Variants in HEXD observed in about 807,000 individuals in gnomAD.
HEXD encodes the protein hexosaminidase D.
HEXD carries 47 observed loss-of-function variants against 54.2 expected under a neutral mutation model. That is an observed-to-expected ratio of 0.87 (90% CI 0.69 to 1.11). The LOEUF (loss-of-function observed/expected upper bound fraction) is 1.11, where lower values mean the gene tolerates loss of function less well. Ranked by LOEUF, HEXD falls within the 50% of genes least tolerant of loss-of-function variation. The pLI, the probability that HEXD is intolerant of heterozygous loss-of-function variation, is 0.00. For synonymous variants in HEXD, 293 were observed against 287.6 expected (o/e 1.02, Z -0.19); for missense variants, 576 against 649.2 (o/e 0.89, Z 1.23).
In HEXD at chr17:82,418,365, G is replaced by A. The variant is rs1233502011; in HGVS notation, c.-427G>A. Reference sequence around the variant, plus strand: ...CAGCCCCAGTCCCGCCCACTCCATGGCCCTGTCCGCCGCCGCAGCGCGCGC... The same window carrying A: ...CAGCCCCAGTCCCGCCCACTCCATGACCCTGTCCGCCGCCGCAGCGCGCGC... On this transcript the variant is annotated 5_prime_UTR_variant, in exon 1 of 13. Coordinates refer to ENST00000327949, the MANE Select transcript of HEXD (RefSeq NM_001330542.2). 8.5e-7 allele frequency: 1 copy of A among 1,175,828 alleles called. No homozygotes were observed. The highest frequency in any genetic ancestry group is 2.6e-5 in the Admixed American group (1 of 37,826). 72.8% of individuals were successfully genotyped at this position (1,175,828 alleles called of 1,614,324 possible).
rs776543703 is a variant in HEXD, at chr17:82,436,679, C to T, written c.644C>T (p.Pro215Leu). 123 of 1,611,076 alleles carry T rather than the reference C, an allele frequency of 7.6e-5. No homozygotes were observed. The highest frequency in any genetic ancestry group is 9.9e-5 in the Non-Finnish European group (117 of 1,179,422). ...GCTCTGTCTGCAGCGTCCGGGGTGC[C>T]GCAGCTGGTGGAGCCGGTGCTCTGG... ...PEDQLAASGV[P>L]QLVEPVLWDY... The change falls in exon 7 of 13, where the codon CCG becomes CTG. Residue 215 changes from proline (P) to leucine (L), a missense_variant. By Grantham distance (98) the Pro-to-Leu change is moderately conservative (BLOSUM62 -3). Coordinates refer to ENST00000327949, the MANE Select transcript of HEXD (RefSeq NM_001330542.2).
At position 82,418,458 on chromosome 17, in the gene HEXD, T is replaced by G; in HGVS notation, c.-334T>G. ...GCCGCTCCGTTGCCCTCGGGCGCCT[T>G]GGTTGCGGCCCTCCGCTGAGGAGCC... is the stretch of plus-strand genomic sequence containing the variant. On this transcript the variant is annotated 5_prime_UTR_variant, in exon 1 of 13. Transcript: ENST00000327949. The G allele has an allele frequency of 6.8e-7, 1 of 1,475,058 alleles. No homozygotes were observed. Among genetic ancestry groups the G allele is most frequent in the Non-Finnish European group, 8.9e-7 (1 of 1,118,868 alleles). 91.4% of individuals were successfully genotyped at this position (1,475,058 alleles called of 1,614,324 possible).
intron 12 of HEXD, 88 bp downstream of exon 12, chr17:82,441,977 G>C (rs1028624847): frequency 7.1e-7 from 1 of 1,418,396 alleles, no homozygotes; most frequent in Admixed American, 1.7e-5. Context: ...CTAGAGAGCA[G>C]AGGGTGAGCC....
At chr17:82,420,146 T>C in intron 2 of HEXD, 1 of 306,360 alleles carries the variant, frequency 3.3e-6, no homozygotes, top group Non-Finnish European at 6.0e-6. Context: ...TTGAAGTGTA[T>C]CTTTCCAAAA....
At position 82,437,240 on chromosome 17, in the gene HEXD, C is replaced by T. The variant is rs559736837; in HGVS notation, c.776C>T (p.Thr259Met). Residue 259 changes from threonine (T) to methionine (M), a missense_variant, in exon 8 of 13, where the codon ACG becomes ATG. Physicochemically the swap from Thr to Met is moderately conservative, Grantham distance 81. Transcript: ENST00000327949. ...GCAGCCAGTGCCTTCAAGGGTGCCACGGGGCCCAGCCAGGCCGTGCCCCCT... is the reference window on the plus strand; with the variant it reads ...GCAGCCAGTGCCTTCAAGGGTGCCATGGGGCCCAGCCAGGCCGTGCCCCCT... ...LWAASAFKGATGPSQAVPPVE... is the reference protein window; with the variant it reads ...LWAASAFKGAMGPSQAVPPVE... The T allele has an allele frequency of 6.4e-5, 103 of 1,611,146 alleles. No homozygotes were observed. The South Asian group carries it at 8.0e-4, about 13-fold the overall frequency.
At chr17:82,425,228 A>T (rs2053376207) in intron 3 of HEXD, among the ~76,000 whole-genome samples, 1 of 147,394 alleles carries the variant, frequency 6.8e-6, no homozygotes, top group South Asian at 2.2e-4. Flanking sequence ...GGGCTAGAGA[A>T]GGCCGGAGGA....
chr17:82,433,856 C>T, intron 5 of HEXD, 34 bp downstream of exon 5: 2 of 1,564,794 alleles, frequency 1.3e-6, no homozygotes, highest in East Asian at 2.4e-5. Flanking sequence ...GTGCAGGACA[C>T]TCTCCCCTAT....
intron 4 of HEXD, among the ~76,000 whole-genome samples, chr17:82,431,347 G>A (rs2053570750): frequency 6.6e-6 from 1 of 151,830 alleles, no homozygotes; most frequent in African/African-American, 2.4e-5. Flanking sequence ...TTTTTGTGAA[G>A]AGTGGGGTCT....
chr17:82,421,915 G>T (rs1567881416), intron 2 of HEXD, among the ~76,000 whole-genome samples: 1 of 151,946 alleles, frequency 6.6e-6, no homozygotes. Flanking sequence ...GGTGGCTCAC[G>T]CCTGTAATCC....
At chr17:82,433,009 T>C (rs1475013192) in intron 4 of HEXD, among the ~76,000 whole-genome samples, 9 of 131,000 alleles carry the variant, frequency 6.9e-5, no homozygotes, top group Non-Finnish European at 1.4e-4. Flanking sequence ...GAGCTTGTAG[T>C]GAGCCGAGAT....
chr17:82,440,361 T>C, intron 9 of HEXD: 10 of 1,203,780 alleles, frequency 8.3e-6, no homozygotes, highest in South Asian at 5.8e-5. Context: ...TGAGATCAGA[T>C]TGACTTCTCA....
Position 82,419,888 on chromosome 17 carries a change from G to GA in HEXD, c.84+5_84+6insA. On this transcript the variant is annotated splice_donor_region_variant and intron_variant, in intron 2 of 12. Coordinates refer to ENST00000327949, the MANE Select transcript of HEXD (RefSeq NM_001330542.2). The stretch of plus-strand genomic sequence containing the variant: ...AAGGTCTCGTACCTCTCAGAGGTAA[G>GA]GACTCCCTTTTACCTCTAGAGCATT... 6.3e-7 allele frequency: 1 copy of GA among 1,577,912 alleles called. No individual in the cohort carries two copies. Among genetic ancestry groups the GA allele is most frequent in the Non-Finnish European group, 8.7e-7 (1 of 1,147,878 alleles).
At chr17:82,422,979 C>T (rs2053280979) in intron 2 of HEXD, among the ~76,000 whole-genome samples, 2 of 151,970 alleles carry the variant, frequency 1.3e-5, no homozygotes, top group African/African-American at 4.8e-5. Context: ...ATTGCTTGAA[C>T]CCGGGAGGCG....
At chr17:82,439,502 G>A (rs572524747) in intron 8 of HEXD, 129 bp from the exon 9 acceptor site, 3 of 1,458,272 alleles carry the variant, frequency 2.1e-6, no homozygotes, top group South Asian at 3.1e-5. Context: ...GGTTGAGGGG[G>A]TCGGGCTGCC....
rs887567051 is a variant in HEXD at position 82,441,974 on chromosome 17, G to A, written c.1253+85G>A. The A allele has an allele frequency of 6.3e-6, 9 of 1,427,868 alleles. No individual in the cohort carries two copies. In the Admixed American group the frequency reaches 1.5e-4, roughly 24 times the overall value. The allele number at this position is 1,427,868 out of a possible 1,614,324, so 88.4% of individuals were successfully genotyped here. A position where few individuals can be genotyped will look rare whatever the true frequency, so the allele number is the denominator to read the frequency against. On this transcript the variant is annotated intron_variant, in intron 12 of 12. Transcript: ENST00000327949. ...TGCTGACATGTCCCTCAACTAGAGA[G>A]CAGAGGGTGAGCCCCTAGTTGTAAA...
Position 82,424,408 on chromosome 17 carries a change from C to A in HEXD, c.99C>A (p.Phe33Leu), listed in dbSNP as rs371753824. The A allele has an allele frequency of 1.2e-6, 2 of 1,613,774 alleles. No individual in the cohort carries two copies. The highest frequency in any genetic ancestry group is 1.7e-6 in the Non-Finnish European group (2 of 1,179,702). ...VSYLSEIFPL[F>L]RALGANGLLI... ...TTACCCCCCAGATTTTTCCTCTGTT[C>A]CGTGCGCTAGGTGCAAACGGCCTCC... The change falls in exon 3 of 13, where the codon TTC (phenylalanine) becomes TTA (leucine). Residue 33 changes from phenylalanine to leucine, a missense_variant. Transcript: ENST00000327949.
At position 82,433,777 on chromosome 17, in the gene HEXD, G is replaced by A. The variant is rs1449132265; in HGVS notation, c.402G>A (p.Leu134=). ...ALVGAMIDQV[L]ELHPGAQRLH... The stretch of plus-strand genomic sequence containing the variant: ...TGGGCGCCATGATTGACCAGGTCCT[G>A]GAGCTACACCCAGGCGCCCAGCGGC... The change falls in exon 5 of 13, where the codon CTG becomes CTA. Residue 134 remains leucine (L), a synonymous_variant. Coordinates refer to ENST00000327949, the MANE Select transcript of HEXD (RefSeq NM_001330542.2). The A allele has an allele frequency of 3.1e-6, 5 of 1,613,044 alleles. No individual in the cohort carries two copies. Among genetic ancestry groups the A allele is most frequent in the Non-Finnish European group, 4.2e-6 (5 of 1,179,754 alleles).
At chr17:82,437,043 G>A in intron 7 of HEXD, 125 bp from the exon 8 acceptor site, 1 of 863,340 alleles carries the variant, frequency 1.2e-6, no homozygotes, top group South Asian at 1.6e-5. Flanking sequence ...CTCCTACACT[G>A]AGACCCGGGC....
rs2053179587 is a variant in HEXD, at chr17:82,419,872, T to C, written c.73T>C (p.Tyr25His). Residue 25 changes from tyrosine to histidine, a missense_variant, in exon 2 of 13, where the codon TAC becomes CAC. Coordinates refer to ENST00000327949, the MANE Select transcript of HEXD (RefSeq NM_001330542.2). ...TAAAGGAGCTCCACCAAAGGTCTCG[T>C]ACCTCTCAGAGGTAAGGACTCCCTT... ...DLKGAPPKVS[Y>H]LSEIFPLFRA... is the part of the protein sequence containing the mutation. 3 of 1,606,376 alleles carry C rather than the reference T, an allele frequency of 1.9e-6. No individual in the cohort carries two copies. The highest frequency in any genetic ancestry group is 4.5e-5 in the East Asian group (2 of 44,804).
Sources: gnomAD v4.1 joint callset for allele counts (sites outside exome capture counted in the v4.1 genomes callset) on GRCh38, gnomAD v4.1.1 for gene constraint, MANE v1.5 for transcripts, NCBI Gene and HGNC (gene_info 2026-07-23, HGNC 2026-07-21) for gene names.